TRMT2B: variants seen among roughly 807,000 people sequenced by gnomAD.
TRMT2B encodes tRNA (uracil-5-)-methyltransferase homolog B.
A neutral mutation model predicts 39.7 loss-of-function variants in TRMT2B; 34 were observed. The observed-to-expected ratio is 0.86, with a 90% CI of 0.65 to 1.14. The LOEUF (loss-of-function observed/expected upper bound fraction) is 1.14. Ranked by LOEUF, TRMT2B falls within the 50% of genes most tolerant of loss-of-function variation. TRMT2B has a pLI of 0.00. For missense variants in TRMT2B, 318 were observed against 377.2 expected, an observed-to-expected ratio of 0.84 and a Z score of 1.30; for synonymous variants, 132 against 137.3, an observed-to-expected ratio of 0.96 and a Z score of 0.27.
At chrX:101,017,856 G>A (rs969369598) in intron 13 of TRMT2B, among the ~76,000 whole-genome samples, 1 of 112,108 alleles carries the variant, frequency 8.9e-6, no homozygotes, top group Non-Finnish European at 1.9e-5. Context: ...ACAAGCACAA[G>A]GGCAGATCCC....
intron 4 of TRMT2B, among the ~76,000 whole-genome samples, chrX:101,039,066 T>G (rs1247502791): frequency 9.3e-6 from 1 of 107,984 alleles, no homozygotes; most frequent in Non-Finnish European, 1.9e-5. Flanking sequence ...TTTTTGTTTT[T>G]TTATTTTTTT....
intron 13 of TRMT2B, among the ~76,000 whole-genome samples, chrX:101,011,378 A>G (rs940659719): frequency 1.3e-4 from 14 of 111,688 alleles, no homozygotes; most frequent in Non-Finnish European, 2.4e-4. Flanking sequence ...CTGTAAAAAT[A>G]TAGTAGAAAA....
chrX:100,987,367 CCTTCT>C, the TRMT2B span: 8 of 1,203,976 alleles, frequency 6.6e-6, no homozygotes, highest in South Asian at 5.3e-5. Flanking sequence ...AGGTCTGCAG[CCTTCT>C]CTTCTCTTTT....
chrX:101,012,835 T>C (rs1248733080), intron 13 of TRMT2B, among the ~76,000 whole-genome samples: 1 of 110,512 alleles, frequency 9.0e-6, no homozygotes, highest in Non-Finnish European at 1.9e-5. Flanking sequence ...TTTTTTTTTT[T>C]TGAGACGGAG....
At chrX:101,010,975 A>G (rs781003433) in intron 13 of TRMT2B, among the ~76,000 whole-genome samples, 3 of 112,092 alleles carry the variant, frequency 2.7e-5, no homozygotes, top group Middle Eastern at 4.6e-3. Flanking sequence ...GGTTCAATAC[A>G]TATTTGGTAA....
the TRMT2B span, among the ~76,000 whole-genome samples, chrX:100,979,479 C>T: frequency 1.8e-5 from 2 of 112,043 alleles, no homozygotes; most frequent in Non-Finnish European, 3.8e-5. Flanking sequence ...CTTTGTTAAA[C>T]TTATCTGATA....
intron 13 of TRMT2B, among the ~76,000 whole-genome samples, chrX:101,011,593 A>G (rs1381325197): frequency 1.8e-5 from 2 of 111,384 alleles, no homozygotes; most frequent in Non-Finnish European, 3.8e-5. Context: ...ACCAAAAAAT[A>G]AAAAATAAAT....
the TRMT2B span, among the ~76,000 whole-genome samples, chrX:100,984,228 CT>C: frequency 9.1e-6 from 1 of 110,415 alleles, no homozygotes; most frequent in African/African-American, 3.3e-5. Context: ...ATTCTCCTGC[CT>C]CAGCCTCTCA....
At chrX:100,981,530 G>A in the TRMT2B span, among the ~76,000 whole-genome samples, 1 of 109,214 alleles carries the variant, frequency 9.2e-6, no homozygotes, top group African/African-American at 3.3e-5. Flanking sequence ...AAGGTGGGGT[G>A]CGGGGGCTCA....
At chrX:100,979,818 G>C in the TRMT2B span, among the ~76,000 whole-genome samples, 20 of 112,247 alleles carry the variant, frequency 1.8e-4, no homozygotes, top group African/African-American at 6.5e-4. Context: ...GACACCCTAA[G>C]CCTAGTAATG....
At chrX:101,038,421 C>T (rs754430349) in intron 4 of TRMT2B, among the ~76,000 whole-genome samples, 2 of 107,677 alleles carry the variant, frequency 1.9e-5, no homozygotes, top group East Asian at 2.9e-4. Flanking sequence ...GTAGCTTCAC[C>T]GCAAAGAATG....
At chrX:100,987,405 A>G in the TRMT2B span, 52 of 1,208,820 alleles carry the variant, frequency 4.3e-5, no homozygotes, top group African/African-American at 8.6e-4. Flanking sequence ...ATGTTCAGCC[A>G]TCAGAAACCT....
the TRMT2B span, among the ~76,000 whole-genome samples, chrX:100,991,585 A>G: frequency 9.0e-6 from 1 of 111,440 alleles, no homozygotes; most frequent in Admixed American, 9.6e-5. Context: ...CGTGTTAGCC[A>G]GGATGGTCTC....
At position 101,020,358 on chromosome X, in the gene TRMT2B, C is replaced by T. The variant is rs757634923; in HGVS notation, c.1168+129G>A. On this transcript the variant is annotated intron_variant, in intron 11 of 13. Transcript: ENST00000372936. ...ATCTATTTCAGAAAACCATTCTGAC[C>T]CCTCCAGAATTCCCTCCCTTCCTCC... 11 of 509,109 alleles carry T rather than the reference C, an allele frequency of 2.2e-5. No individual in the cohort carries two copies. The East Asian group carries it at 3.4e-4, about 16-fold the overall frequency. The allele number at this position is 509,109 out of a possible 1,213,427, so 42.0% of individuals were successfully genotyped here.
chrX:101,004,071 G>A, the TRMT2B span, among the ~76,000 whole-genome samples: 3 of 111,106 alleles, frequency 2.7e-5, no homozygotes, highest in Non-Finnish European at 5.7e-5. Flanking sequence ...GTAAAACCAT[G>A]GCTCACTGCA....
the TRMT2B span, chrX:100,988,698 G>A: frequency 2.8e-6 from 1 of 356,767 alleles, no homozygotes; most frequent in Admixed American, 7.0e-5. Context: ...CTTCCTGTAG[G>A]AAGGGTGCTT....
the TRMT2B span, among the ~76,000 whole-genome samples, chrX:100,998,950 C>G: frequency 2.7e-5 from 3 of 112,367 alleles, no homozygotes. Context: ...TTGGAGGAGA[C>G]AGACTACTAA....
chrX:100,999,355 A>G, the TRMT2B span, among the ~76,000 whole-genome samples: 4 of 112,883 alleles, frequency 3.5e-5, no homozygotes, highest in Admixed American at 9.4e-5. Flanking sequence ...GGCAAGTACT[A>G]AGGGAGCTTC....
chrX:101,045,919 G>A (rs1457319105), intron 2 of TRMT2B, among the ~76,000 whole-genome samples: 2 of 109,409 alleles, frequency 1.8e-5, no homozygotes, highest in African/African-American at 6.6e-5. Context: ...AGCTGAGGGG[G>A]CAGATCACTT....
Sources: gnomAD v4.1 joint callset for allele counts (sites outside exome capture counted in the v4.1 genomes callset) on GRCh38, gnomAD v4.1.1 for gene constraint, MANE v1.5 for transcripts, NCBI Gene and HGNC (gene_info 2026-07-23, HGNC 2026-07-21) for gene names.